Variants in STK3 observed in about 807,000 individuals in gnomAD.
The protein encoded by STK3 is serine/threonine kinase 3, also known as serine/threonine-protein kinase 3.
In STK3, 41 loss-of-function variants were observed where a neutral mutation model predicts 58.0. That is an observed-to-expected ratio of 0.71 (90% CI 0.55 to 0.92). The LOEUF (loss-of-function observed/expected upper bound fraction) is 0.92, where lower values mean the gene tolerates loss of function less well. Among genes scored for constraint, STK3 ranks in the 40% least tolerant of loss-of-function variants. STK3 has a pLI of 0.00. For synonymous variants in STK3, 170 were observed against 191.0 expected (o/e 0.89, Z 0.91); for missense variants, 479 against 602.7 (o/e 0.79, Z 2.15).
intron 10 of STK3, among the ~76,000 whole-genome samples, chr8:98,512,311 T>C (rs889122988): frequency 2.6e-5 from 4 of 152,200 alleles, no homozygotes; most frequent in African/African-American, 9.6e-5. Context: ...ACTATAGTAA[T>C]TGATTGGTCT....
chr8:98,367,712 C>A (rs1177430778), downstream of STK3, among the ~76,000 whole-genome samples: 1 of 152,192 alleles, frequency 6.6e-6, no homozygotes, highest in Non-Finnish European at 1.5e-5. Flanking sequence ...AACTGTAGAC[C>A]TCCCTCAGAG....
At chr8:98,530,118 G>T (rs566156214) in intron 9 of STK3, among the ~76,000 whole-genome samples, 11 of 152,130 alleles carry the variant, frequency 7.2e-5, no homozygotes, top group Non-Finnish European at 8.8e-5. Context: ...GCACATAAAA[G>T]TTATGTTTGT....
intron 4 of STK3, among the ~76,000 whole-genome samples, chr8:98,734,115 G>A (rs959694750): frequency 3.3e-5 from 5 of 152,176 alleles, no homozygotes; most frequent in African/African-American, 1.2e-4. Flanking sequence ...AACAGCCGGG[G>A]GAAATCTGCA....
intron 3 of STK3, among the ~76,000 whole-genome samples, chr8:98,751,203 G>A (rs1436837084): frequency 6.6e-6 from 1 of 152,154 alleles, no homozygotes; most frequent in Non-Finnish European, 1.5e-5. Flanking sequence ...TTAAGACAAG[G>A]ATGGACTCTC....
intron 3 of STK3, among the ~76,000 whole-genome samples, chr8:98,832,725 G>T (rs1308353646): frequency 6.6e-6 from 1 of 152,062 alleles, no homozygotes; most frequent in Non-Finnish European, 1.5e-5. Flanking sequence ...TGGCTGCGGG[G>T]CCTAGGATTT....
chr8:98,404,059 G>A (rs1257683783), intron 3 of STK3, among the ~76,000 whole-genome samples: 1 of 152,192 alleles, frequency 6.6e-6, no homozygotes, highest in Non-Finnish European at 1.5e-5. Flanking sequence ...CAAGATTGAG[G>A]CAGAGTTTAT....
intron 1 of STK3, among the ~76,000 whole-genome samples, chr8:98,917,488 G>T (rs1839386393): frequency 6.6e-6 from 1 of 152,148 alleles, no homozygotes. Context: ...GTATTTGGAG[G>T]TTAGCCTTGG....
At chr8:98,589,709 T>C (rs1178585140) in intron 7 of STK3, among the ~76,000 whole-genome samples, 4 of 152,214 alleles carry the variant, frequency 2.6e-5, no homozygotes, top group South Asian at 2.1e-4. Context: ...AGCTGCTGCC[T>C]TGCAGTTTGA....
rs371219157 is a variant in STK3, at chr8:98,724,839, A to G, written c.352-17528T>C. ...CCAAAAGGTGCCAAAAGCAAAATCCATCTTTCCTAATTTACGTAGGTCTTA... is the reference window on the plus strand; with the variant it reads ...CCAAAAGGTGCCAAAAGCAAAATCCGTCTTTCCTAATTTACGTAGGTCTTA... On this transcript the variant is annotated intron_variant, in intron 4 of 10. Coordinates refer to ENST00000419617, the MANE Select transcript of STK3 (RefSeq NM_006281.4). Among the ~76,000 whole-genome samples the G allele has an allele frequency of 2.4e-3, 369 of 152,298 alleles. 1 individual carries two copies. The highest frequency in any genetic ancestry group is 8.6e-3 in the African/African-American group (356 of 41,578).
chr8:98,350,557 A>T, the STK3 span, among the ~76,000 whole-genome samples: 2 of 152,194 alleles, frequency 1.3e-5, no homozygotes, highest in Admixed American at 1.3e-4. Context: ...TTCACTGCTG[A>T]TAAAGACATA....
chr8:98,564,508 T>C (rs1812315733), intron 8 of STK3, among the ~76,000 whole-genome samples: 1 of 151,934 alleles, frequency 6.6e-6, no homozygotes, highest in African/African-American at 2.4e-5. Context: ...TAGGGAGAGA[T>C]TGGTCAATAA....
chr8:98,828,437 C>CAAAAAAAAAAAAAAAAAAAAAA (rs367737626), upstream of STK3, among the ~76,000 whole-genome samples: 1 of 48,578 alleles, frequency 2.1e-5, no homozygotes, highest in Non-Finnish European at 3.5e-5. Context: ...CCCATCTCTA[C>CAAAAAAAAAAAAAAAAAAAAAA]AAAAAAAAAA....
the STK3 span, among the ~76,000 whole-genome samples, chr8:98,354,502 C>T: frequency 2.4e-4 from 36 of 152,302 alleles, no homozygotes; most frequent in African/African-American, 7.9e-4. Flanking sequence ...CAAACAGTGT[C>T]GGTGATGATT....
At chr8:98,508,655 T>A (rs1824272059) in intron 10 of STK3, among the ~76,000 whole-genome samples, 1 of 152,148 alleles carries the variant, frequency 6.6e-6, no homozygotes, top group Non-Finnish European at 1.5e-5. Flanking sequence ...CTCAATAAAG[T>A]TTTTATTAAA....
intron 3 of STK3, among the ~76,000 whole-genome samples, chr8:98,857,780 A>G (rs1836735896): frequency 6.6e-6 from 1 of 152,240 alleles, no homozygotes; most frequent in Admixed American, 6.5e-5. Context: ...TAAACTAAAT[A>G]CAGAATTATT....
chr8:98,362,214 C>T, the STK3 span, among the ~76,000 whole-genome samples: 5 of 152,106 alleles, frequency 3.3e-5, no homozygotes, highest in East Asian at 1.9e-4. Flanking sequence ...AATGTAGAGA[C>T]GAGCTTGGGT....
At chr8:98,702,405 C>T (rs974946328) in intron 6 of STK3, among the ~76,000 whole-genome samples, 5 of 152,160 alleles carry the variant, frequency 3.3e-5, no homozygotes, top group Admixed American at 6.5e-5. Flanking sequence ...TTAAGTTCTT[C>T]GTATCCCTCA....
intron 3 of STK3, among the ~76,000 whole-genome samples, chr8:98,396,386 T>C (rs1476360086): frequency 6.6e-6 from 1 of 152,128 alleles, no homozygotes; most frequent in African/African-American, 2.4e-5. Flanking sequence ...TACTGGGAGA[T>C]GGGGTGAGAG....
intron 10 of STK3, among the ~76,000 whole-genome samples, chr8:98,483,722 C>A (rs562560289): frequency 6.6e-6 from 1 of 152,104 alleles, no homozygotes; most frequent in Non-Finnish European, 1.5e-5. Flanking sequence ...AGACAATTTT[C>A]CTGGTCCATA....
Sources: allele counts gnomAD v4.1 joint callset (sites outside exome capture counted in the v4.1 genomes callset), GRCh38; gene constraint gnomAD v4.1.1; transcripts MANE v1.5; gene names NCBI Gene and HGNC (gene_info 2026-07-23, HGNC 2026-07-21).